Variants in PRIMA1 observed in about 807,000 individuals in gnomAD.
PRIMA1 encodes proline rich membrane anchor 1, also known as proline-rich membrane anchor 1.
Under a neutral mutation model 17.5 loss-of-function variants are expected in PRIMA1, and 7 were observed. The ratio of observed to expected loss-of-function variants is 0.40; its 90% CI spans 0.23 to 0.75. The LOEUF (loss-of-function observed/expected upper bound fraction) is 0.75. Ranked by LOEUF, PRIMA1 falls within the 30% of genes least tolerant of loss-of-function variation. The pLI, the probability that PRIMA1 is intolerant of heterozygous loss-of-function variation, is 0.37. For missense variants in PRIMA1, 200 were observed against 201.8 expected, an observed-to-expected ratio of 0.99 and a Z score of 0.05; for synonymous variants, 97 against 77.9, an observed-to-expected ratio of 1.25 and a Z score of -1.29.
At chr14:93,736,585 G>T (rs1451028759) in intron 4 of PRIMA1, among the ~76,000 whole-genome samples, 1 of 152,254 alleles carries the variant, frequency 6.6e-6, no homozygotes, top group African/African-American at 2.4e-5. Context: ...CTGCCGCCAG[G>T]TGTCCTCCCT....
chr14:93,779,204 CGGGGGT>C lies in PRIMA1; in HGVS notation c.195_200del (p.Pro69_Pro70del). The C allele has an allele frequency of 8.1e-6, 3 of 372,670 alleles. No individual in the cohort carries two copies. Among genetic ancestry groups the C allele is most frequent in the Non-Finnish European group, 9.9e-6 (3 of 304,500 alleles). The allele number at this position is 372,670 out of a possible 1,614,324, so 23.1% of individuals were successfully genotyped here. Reference sequence around the variant, plus strand: ...GGGCGGAGAGGAGTCTGGGAGGTGGCGGGGGTGGGGGCGGCGGGGGCAGCGGGGGAG... The same window carrying C: ...GGGCGGAGAGGAGTCTGGGAGGTGGCGGGGGCGGCGGGGGCAGCGGGGGAG... On this transcript the variant is annotated inframe_deletion, in exon 3 of 5. Coordinates refer to ENST00000393140, the MANE Select transcript of PRIMA1 (RefSeq NM_178013.4).
chr14:93,731,923 C>G (rs2076117127), intron 4 of PRIMA1, among the ~76,000 whole-genome samples: 1 of 152,238 alleles, frequency 6.6e-6, no homozygotes. Context: ...CCACAAACAG[C>G]TGATGAGGAC....
chr14:93,773,183 C>T (rs913897817), intron 3 of PRIMA1, among the ~76,000 whole-genome samples: 2 of 152,180 alleles, frequency 1.3e-5, no homozygotes, highest in African/African-American at 4.8e-5. Flanking sequence ...CTTTTGAGCA[C>T]AAAGTTTCTG....
At chr14:93,762,045 C>T (rs1001342179) in intron 3 of PRIMA1, among the ~76,000 whole-genome samples, 3 of 152,180 alleles carry the variant, frequency 2.0e-5, no homozygotes, top group Admixed American at 6.5e-5. Context: ...CAACCTCCCT[C>T]GATGGTCAGA....
At chr14:93,768,319 C>T (rs1408459858) in intron 3 of PRIMA1, among the ~76,000 whole-genome samples, 1 of 152,182 alleles carries the variant, frequency 6.6e-6, no homozygotes, top group Non-Finnish European at 1.5e-5. Flanking sequence ...CTGTCCTCCC[C>T]ACCTCTTCGC....
chr14:93,758,545 G>C (rs890638315), intron 3 of PRIMA1, among the ~76,000 whole-genome samples: 2 of 142,110 alleles, frequency 1.4e-5, no homozygotes, highest in African/African-American at 5.4e-5. Context: ...GTTGCAGTGA[G>C]CCAAGATTGC....
chr14:93,732,825 C>T (rs561260015), intron 4 of PRIMA1, among the ~76,000 whole-genome samples: 13 of 152,232 alleles, frequency 8.5e-5, no homozygotes, highest in South Asian at 6.2e-4. Context: ...CAGCTGAGCC[C>T]GGCGGGGCTG....
intron 4 of PRIMA1, among the ~76,000 whole-genome samples, chr14:93,725,132 C>T (rs1034324627): frequency 1.3e-5 from 2 of 150,692 alleles, no homozygotes; most frequent in Non-Finnish European, 3.0e-5. Flanking sequence ...CCAGGGCCTT[C>T]GCAGCTGCTC....
chr14:93,772,161 T>G (rs1396483750), intron 3 of PRIMA1, among the ~76,000 whole-genome samples: 1 of 152,202 alleles, frequency 6.6e-6, no homozygotes, highest in African/African-American at 2.4e-5. Flanking sequence ...TCTTAGAACT[T>G]CCACAGTCCC....
At chr14:93,762,603 C>T (rs776136758) in intron 3 of PRIMA1, among the ~76,000 whole-genome samples, 7 of 152,062 alleles carry the variant, frequency 4.6e-5, no homozygotes, top group Non-Finnish European at 7.4e-5. Context: ...TGTCACCTGT[C>T]CCCCAAGTCA....
chr14:93,779,107 C>T (rs1885305653), intron 3 of PRIMA1, 69 bp downstream of exon 3: 3 of 1,194,122 alleles, frequency 2.5e-6, no homozygotes, highest in South Asian at 1.9e-5. Flanking sequence ...CTCGGCCACA[C>T]TCAGTGGATC....
chr14:93,776,014 G>T (rs1198297383), intron 3 of PRIMA1, among the ~76,000 whole-genome samples: 1 of 152,134 alleles, frequency 6.6e-6, no homozygotes, highest in Non-Finnish European at 1.5e-5. Context: ...GACTTCCCTC[G>T]GACTACTGGG....
chr14:93,746,439 G>A (rs926715310), intron 3 of PRIMA1, among the ~76,000 whole-genome samples: 3 of 152,146 alleles, frequency 2.0e-5, no homozygotes, highest in African/African-American at 7.2e-5. Context: ...GTATCTGGGG[G>A]AAGGAATGGC....
intron 4 of PRIMA1, among the ~76,000 whole-genome samples, chr14:93,724,185 G>A (rs1003882539): frequency 1.8e-4 from 27 of 152,136 alleles, no homozygotes; most frequent in African/African-American, 6.5e-4. Context: ...ATTCCCAGCA[G>A]GTATTCCCAT....
chr14:93,771,126 GTGCA>G (rs1885049865), intron 3 of PRIMA1, among the ~76,000 whole-genome samples: 1 of 150,712 alleles, frequency 6.6e-6, no homozygotes, highest in African/African-American at 2.4e-5. Context: ...ATGTATGTGT[GTGCA>G]TGTGCACGTA....
chr14:93,727,306 G>A (rs1476066786), intron 4 of PRIMA1, among the ~76,000 whole-genome samples: 2 of 152,206 alleles, frequency 1.3e-5, no homozygotes, highest in Non-Finnish European at 2.9e-5. Context: ...GCTTCTCACA[G>A]GCGTGACTCT....
At chr14:93,743,528 C>T (rs892103167) in intron 3 of PRIMA1, among the ~76,000 whole-genome samples, 1 of 152,254 alleles carries the variant, frequency 6.6e-6, no homozygotes, top group Non-Finnish European at 1.5e-5. Context: ...CAGTCTAGTG[C>T]CACTTGTCTA....
At chr14:93,731,786 A>G (rs1353966890) in intron 4 of PRIMA1, among the ~76,000 whole-genome samples, 2 of 152,214 alleles carry the variant, frequency 1.3e-5, no homozygotes, top group Non-Finnish European at 2.9e-5. Context: ...CTTAGTCCCC[A>G]GCACACATTA....
chr14:93,771,409 C>T (rs893566601), intron 3 of PRIMA1, among the ~76,000 whole-genome samples: 1 of 152,172 alleles, frequency 6.6e-6, no homozygotes, highest in Non-Finnish European at 1.5e-5. Flanking sequence ...TGTAAGGAAG[C>T]CCAGTTCACA....
Sources: gnomAD v4.1 joint callset for allele counts (sites outside exome capture counted in the v4.1 genomes callset) on GRCh38, gnomAD v4.1.1 for gene constraint, MANE v1.5 for transcripts, NCBI Gene and HGNC (gene_info 2026-07-23, HGNC 2026-07-21) for gene names.